Variants in LHFPL3 observed in about 807,000 individuals in gnomAD.
LHFPL3 encodes the protein LHFPL tetraspan subfamily member 3 protein.
LHFPL3 carries 5 observed loss-of-function variants against 19.3 expected under a neutral mutation model. The ratio of observed to expected loss-of-function variants is 0.26; its 90% confidence interval spans 0.14 to 0.54. The LOEUF is 0.54. Ranked by LOEUF, LHFPL3 falls within the 20% of genes least tolerant of loss-of-function variation. LHFPL3 has a pLI of 0.94. For missense variants in LHFPL3, 249 were observed against 307.4 expected, an observed-to-expected ratio of 0.81 and a Z score of 1.42; for synonymous variants, 133 against 126.2, an observed-to-expected ratio of 1.05 and a Z score of -0.36.
intron 1 of LHFPL3, among the ~76,000 whole-genome samples, chr7:104,643,118 C>T (rs1308031132): frequency 2.6e-5 from 4 of 152,178 alleles, no homozygotes; most frequent in Admixed American, 6.5e-5. Flanking sequence ...GTCTAAACTT[C>T]GGATAAAATT....
intron 1 of LHFPL3, among the ~76,000 whole-genome samples, chr7:104,682,271 C>CA (rs1792718709): frequency 1.3e-5 from 2 of 152,172 alleles, no homozygotes; most frequent in Admixed American, 1.3e-4. Flanking sequence ...AGCCTTTGGA[C>CA]AAAAGACCGT....
chr7:104,337,258 C>G (rs545668349), intron 1 of LHFPL3, among the ~76,000 whole-genome samples: 1 of 151,942 alleles, frequency 6.6e-6, no homozygotes, highest in South Asian at 2.1e-4. Flanking sequence ...AACAGTGACA[C>G]CAAAAATGAA....
intron 1 of LHFPL3, 142 bp downstream of exon 1, chr7:104,329,366 C>T (rs1006799888): frequency 3.3e-4 from 375 of 1,131,528 alleles, no homozygotes; most frequent in Middle Eastern, 6.1e-4. Flanking sequence ...GTGTGGGGGG[C>T]GGGAGCCCAG....
chr7:104,446,417 A>G (rs893156472), intron 1 of LHFPL3, among the ~76,000 whole-genome samples: 4 of 152,162 alleles, frequency 2.6e-5, no homozygotes, highest in Non-Finnish European at 4.4e-5. Flanking sequence ...TGTAGTCACC[A>G]TGTTTATCAA....
chr7:104,631,709 T>G (rs2115850126), intron 1 of LHFPL3, among the ~76,000 whole-genome samples: 1 of 152,338 alleles, frequency 6.6e-6, no homozygotes, highest in South Asian at 2.1e-4. Context: ...AGGCACTTTC[T>G]TTTAACAAAA....
At chr7:104,370,834 A>T (rs1790600126) in intron 1 of LHFPL3, among the ~76,000 whole-genome samples, 1 of 152,206 alleles carries the variant, frequency 6.6e-6, no homozygotes, top group Admixed American at 6.5e-5. Flanking sequence ...GTGAGCTGAG[A>T]TGGCACCACT....
intron 1 of LHFPL3, among the ~76,000 whole-genome samples, chr7:104,453,430 G>A (rs56338050): frequency 3.0e-4 from 45 of 152,152 alleles, no homozygotes; most frequent in Non-Finnish European, 5.0e-4. Context: ...GGGAGATAGG[G>A]ACCCTATCTT....
intron 2 of LHFPL3, among the ~76,000 whole-genome samples, chr7:104,747,689 T>A (rs1340200041): frequency 6.6e-6 from 1 of 152,232 alleles, no homozygotes; most frequent in African/African-American, 2.4e-5. Flanking sequence ...TTGGGATGCA[T>A]TCTGAATTAA....
intron 1 of LHFPL3, among the ~76,000 whole-genome samples, chr7:104,584,344 A>G (rs1790521529): frequency 6.6e-6 from 1 of 152,122 alleles, no homozygotes; most frequent in Non-Finnish European, 1.5e-5. Context: ...GCATTAGGAG[A>G]TATATCTAAT....
At chr7:104,430,443 T>TATATATAC (rs1791972078) in intron 1 of LHFPL3, among the ~76,000 whole-genome samples, 1 of 20,612 alleles carries the variant, frequency 4.9e-5, no homozygotes, top group Non-Finnish European at 8.1e-5. Flanking sequence ...TATATATATA[T>TATATATAC]ATATATATAT....
chr7:104,848,639 G>A (rs1353523110), intron 2 of LHFPL3, among the ~76,000 whole-genome samples: 1 of 107,686 alleles, frequency 9.3e-6, no homozygotes, highest in Non-Finnish European at 2.4e-5. Context: ...GGGAGGGAGA[G>A]GAAGGGAAAA....
At chr7:104,373,962 C>A (rs1790659708) in intron 1 of LHFPL3, among the ~76,000 whole-genome samples, 1 of 152,046 alleles carries the variant, frequency 6.6e-6, no homozygotes, top group Non-Finnish European at 1.5e-5. Flanking sequence ...TTTTGATTTT[C>A]TTCCTTGTCT....
In LHFPL3 at chr7:104,906,220, AAAACAAATCGAATAACAGCT is replaced by A. The variant is rs758901902; in HGVS notation, c.*30_*49del. On this transcript the variant is annotated 3_prime_UTR_variant, in exon 3 of 3. Transcript: ENST00000424859. ...AGCCAATATTCTCTAGAATGAGCACAAAACAAATCGAATAACAGCTAAACAAATCGAATAACAGCTAAACG... is the reference window on the plus strand; with the variant it reads ...AGCCAATATTCTCTAGAATGAGCACAAAACAAATCGAATAACAGCTAAACG... 114 of 1,608,142 alleles carry A rather than the reference AAAACAAATCGAATAACAGCT, an allele frequency of 7.1e-5. No homozygotes were observed. In the East Asian group the frequency reaches 2.1e-3, roughly 30 times the overall value.
rs546255412 is a variant in LHFPL3, at chr7:104,614,622, T to C, written c.446-122053T>C. On this transcript the variant is annotated intron_variant, in intron 1 of 2. Transcript: ENST00000424859. ...TCTTCTCTTCTCTTCTCTTCTCTTCTCTTCTCTTCTCTTCTCTTCTCTTCT... is the reference window on the plus strand; with the variant it reads ...TCTTCTCTTCTCTTCTCTTCTCTTCCCTTCTCTTCTCTTCTCTTCTCTTCT... Among the ~76,000 whole-genome samples the C allele has an allele frequency of 5.4e-4, 79 of 145,482 alleles. 1 individual carries two copies. The highest frequency in any genetic ancestry group is 1.9e-3 in the African/African-American group (75 of 38,792).
At chr7:104,479,541 AC>A (rs1357607795) in intron 1 of LHFPL3, among the ~76,000 whole-genome samples, 6 of 151,946 alleles carry the variant, frequency 3.9e-5, no homozygotes, top group African/African-American at 1.5e-4. Context: ...ACAGGTGCCC[AC>A]CACCATGCCT....
intron 1 of LHFPL3, among the ~76,000 whole-genome samples, chr7:104,437,824 A>C (rs1422323516): frequency 6.6e-6 from 1 of 152,134 alleles, no homozygotes; most frequent in African/African-American, 2.4e-5. Context: ...AAGCTCTTCA[A>C]ACTCCACCAT....
intron 2 of LHFPL3, among the ~76,000 whole-genome samples, chr7:104,778,320 T>C (rs938324610): frequency 6.6e-6 from 1 of 152,110 alleles, no homozygotes; most frequent in Non-Finnish European, 1.5e-5. Context: ...GCGGTGACCC[T>C]ACCCACCTTG....
chr7:104,364,012 A>T (rs759920996), intron 1 of LHFPL3, among the ~76,000 whole-genome samples: 22 of 152,240 alleles, frequency 1.4e-4, no homozygotes, highest in Non-Finnish European at 2.8e-4. Context: ...GAACATTCAG[A>T]ATAAACAAGT....
intron 1 of LHFPL3, among the ~76,000 whole-genome samples, chr7:104,639,559 T>G (rs6962013): frequency 0.18 from 27,743 of 152,210 alleles, 2,639 homozygotes; most frequent in African/African-American, 0.24. Flanking sequence ...TTTGACTTTT[T>G]CAACTATTTT....
Sources: allele counts gnomAD v4.1 joint callset (sites outside exome capture counted in the v4.1 genomes callset), GRCh38; gene constraint gnomAD v4.1.1; transcripts MANE v1.5; gene names NCBI Gene and HGNC (gene_info 2026-07-23, HGNC 2026-07-21).